TDRD1: variants seen among roughly 807,000 people sequenced by gnomAD.
TDRD1 encodes tudor domain containing 1.
A neutral mutation model predicts 140.6 loss-of-function variants in TDRD1; 37 were observed. The observed-to-expected ratio is 0.26, with a 90% CI of 0.20 to 0.35. TDRD1 has a LOEUF of 0.35. TDRD1 is among the 10% of genes least tolerant of loss of function. The probability of loss-of-function intolerance (pLI) is 1.00; values close to 1 mark genes in which losing one functional copy is unlikely to be tolerated. For synonymous variants in TDRD1, 506 were observed against 475.7 expected (o/e 1.06, Z -0.83); for missense variants, 1,243 against 1,393.0 (o/e 0.89, Z 1.71).
At chr10:114,217,741 T>C in intron 17 of TDRD1, 86 bp downstream of exon 17, 1 of 678,818 alleles carries the variant, frequency 1.5e-6, no homozygotes, top group Non-Finnish European at 2.6e-6. Context: ...TTCTTAATGC[T>C]TAAGCAAACA....
At chr10:114,184,807 A>G (rs2033387442) in intron 1 of TDRD1, among the ~76,000 whole-genome samples, 1 of 152,204 alleles carries the variant, frequency 6.6e-6, no homozygotes, top group Non-Finnish European at 1.5e-5. Context: ...CTTTTAAACT[A>G]AAGAAACTCT....
chr10:114,190,441 A>G (rs2033878457), intron 2 of TDRD1, among the ~76,000 whole-genome samples: 1 of 152,194 alleles, frequency 6.6e-6, no homozygotes, highest in Non-Finnish European at 1.5e-5. Context: ...AAAGTTCACA[A>G]TGAGAGGAGC....
At chr10:114,203,989 G>A (rs1050876155) in intron 8 of TDRD1, 84 bp from the exon 9 acceptor site, 42 of 1,503,538 alleles carry the variant, frequency 2.8e-5, no homozygotes, top group African/African-American at 2.3e-4. Flanking sequence ...TCCTTTGCAC[G>A]TTCTATAGAT....
intron 25 of TDRD1, among the ~76,000 whole-genome samples, chr10:114,229,368 T>TTCTTTG (rs2036622979): frequency 6.6e-6 from 1 of 152,160 alleles, no homozygotes; most frequent in African/African-American, 2.4e-5. Context: ...AATAGACCGT[T>TTCTTTG]TCTTTGCGTT....
chr10:114,188,010 A>G (rs1374786667), exon 2 of TDRD1: 2 of 1,614,232 alleles, frequency 1.2e-6, no homozygotes, highest in Admixed American at 3.3e-5. Context: ...AGCTCAGAGA[A>G]TGGAAATAAA....
At chr10:114,216,056 T>C (rs1485164987) in intron 16 of TDRD1, among the ~76,000 whole-genome samples, 2 of 152,224 alleles carry the variant, frequency 1.3e-5, no homozygotes, top group Non-Finnish European at 2.9e-5. Context: ...TTTGGAATAA[T>C]TTTAGGTATA....
chr10:114,203,552 G>C (rs1345127223), exon 8 of TDRD1: 15 of 1,606,656 alleles, frequency 9.3e-6, no homozygotes, highest in Middle Eastern at 1.7e-4. Context: ...GTATTGCCAA[G>C]TACACTGTTG....
chr10:114,228,336 C>A, intron 25 of TDRD1: 1 of 1,319,298 alleles, frequency 7.6e-7, no homozygotes, highest in South Asian at 1.9e-5. Context: ...GGAACTGAAC[C>A]CCCAGGGGTA....
chr10:114,184,311 T>G (rs1296470707), intron 1 of TDRD1, among the ~76,000 whole-genome samples: 2 of 152,244 alleles, frequency 1.3e-5, no homozygotes, highest in Middle Eastern at 3.2e-3. Context: ...AACAGCTTAT[T>G]TGATGCCTCA....
chr10:114,229,312 G>GT (rs1241010155), intron 25 of TDRD1, among the ~76,000 whole-genome samples: 2 of 152,182 alleles, frequency 1.3e-5, no homozygotes, highest in Non-Finnish European at 2.9e-5. Flanking sequence ...TAACTCTCAA[G>GT]TAGGAACCAA....
intron 10 of TDRD1, among the ~76,000 whole-genome samples, chr10:114,205,694 G>C (rs1379575630): frequency 1.3e-5 from 2 of 152,142 alleles, no homozygotes; most frequent in Non-Finnish European, 2.9e-5. Flanking sequence ...ATAGAGGGTA[G>C]AATGGTTACC....
intron 21 of TDRD1, 67 bp downstream of exon 21, chr10:114,222,770 T>A: frequency 1.1e-6 from 1 of 903,528 alleles, no homozygotes; most frequent in Non-Finnish European, 1.8e-6. Context: ...CATGATACTA[T>A]GTAGATTTTG....
chr10:114,215,530 G>A (rs1338807464), intron 16 of TDRD1, among the ~76,000 whole-genome samples: 2 of 152,004 alleles, frequency 1.3e-5, no homozygotes, highest in African/African-American at 4.8e-5. Context: ...AACATTGTGT[G>A]TTTTCTTTTT....
chr10:114,201,817 T>C (rs1191641374), intron 5 of TDRD1, among the ~76,000 whole-genome samples: 1 of 152,262 alleles, frequency 6.6e-6, no homozygotes, highest in African/African-American at 2.4e-5. Context: ...TTGGAACTCT[T>C]ACATGCCTCT....
chr10:114,232,504 C>CTTTTTTTTTTTTTTTTTTTTTTTTTTTT (rs140805425), downstream of TDRD1, among the ~76,000 whole-genome samples: 1 of 81,668 alleles, frequency 1.2e-5, no homozygotes, highest in African/African-American at 4.8e-5. Flanking sequence ...ACTTGAAAGA[C>CTTTTTTTTTTTTTTTTTTTTTTTTTTTT]TTTTTTTTTT....
intron 25 of TDRD1, among the ~76,000 whole-genome samples, chr10:114,229,918 C>T (rs1170917809): frequency 6.6e-6 from 1 of 151,802 alleles, no homozygotes; most frequent in Non-Finnish European, 1.5e-5. Flanking sequence ...ACAACCTCCG[C>T]CTCCCGGGTT....
chr10:114,213,934 C>G (rs1313669772), intron 15 of TDRD1, 43 bp from the exon 16 acceptor site: 2 of 1,606,558 alleles, frequency 1.2e-6, no homozygotes, highest in African/African-American at 2.7e-5. Flanking sequence ...CTCGCTACAT[C>G]CCTCCTCCAC....
chr10:114,221,508 C>G (rs771679230), intron 20 of TDRD1, 32 bp downstream of exon 20: 70 of 1,601,826 alleles, frequency 4.4e-5, no homozygotes, highest in Non-Finnish European at 5.6e-5. Flanking sequence ...CATATTTATG[C>G]TCATCTTTTA....
intron 1 of TDRD1, among the ~76,000 whole-genome samples, chr10:114,183,850 C>T (rs1187558831): frequency 6.6e-6 from 1 of 151,988 alleles, no homozygotes; most frequent in East Asian, 1.9e-4. Context: ...TACAGGAGCC[C>T]ACCACTCCTT....
Sources: gnomAD v4.1 joint callset for allele counts (sites outside exome capture counted in the v4.1 genomes callset) on GRCh38, gnomAD v4.1.1 for gene constraint, MANE v1.5 for transcripts, NCBI Gene and HGNC (gene_info 2026-07-23, HGNC 2026-07-21) for gene names.